Variants in RBFOX1 observed in about 807,000 individuals in gnomAD.
RBFOX1 encodes RNA binding fox-1 homolog 1.
In RBFOX1, 8 loss-of-function variants were observed where a neutral mutation model predicts 57.7. That is an observed-to-expected ratio of 0.14 (90% CI 0.08 to 0.25). The LOEUF (loss-of-function observed/expected upper bound fraction) is 0.25, where lower values mean the gene tolerates loss of function less well. Among genes scored for constraint, RBFOX1 ranks in the 10% least tolerant of loss-of-function variants. The pLI, the probability that RBFOX1 is intolerant of heterozygous loss-of-function variation, is 1.00. For synonymous variants in RBFOX1, 326 were observed against 222.4 expected (o/e 1.47, Z -4.15); for missense variants, 611 against 548.5 (o/e 1.11, Z -1.14).
chr16:5,312,783 T>G (rs1197109759), intron 1 of RBFOX1, among the ~76,000 whole-genome samples: 1 of 152,126 alleles, frequency 6.6e-6, no homozygotes, highest in East Asian at 1.9e-4. Flanking sequence ...TGCAGATGCA[T>G]GAGGGACCTG....
chr16:6,785,919 A>T (rs963943001), intron 3 of RBFOX1, among the ~76,000 whole-genome samples: 2 of 152,184 alleles, frequency 1.3e-5, no homozygotes, highest in South Asian at 2.1e-4. Context: ...TGGCACTGTG[A>T]CTGAGGAACC....
chr16:7,080,606 TC>T (rs1239770960), intron 4 of RBFOX1, among the ~76,000 whole-genome samples: 1 of 152,194 alleles, frequency 6.6e-6, no homozygotes, highest in Non-Finnish European at 1.5e-5. Context: ...TATCCTTTTT[TC>T]ATGGTCCATG....
Position 5,437,512 on chromosome 16 carries a change from C to G in RBFOX1, c.220-29704C>G, listed in dbSNP as rs575325093. 3.9e-5 allele frequency among the ~76,000 whole-genome samples: 6 copies of G among 152,246 alleles called. No individual in the cohort carries two copies. The East Asian group carries it at 1.2e-3, about 29-fold the overall frequency. ...TGCAAACTACCTAAAGTGAAAGCAA[C>G]CTGCATATCCAACCATAGATGAATC... is the stretch of plus-strand genomic sequence containing the variant. On this transcript the variant is annotated intron_variant, in intron 1 of 2. Coordinates refer to the RBFOX1 transcript ENST00000585867.
chr16:6,399,144 C>T (rs1489075648), intron 2 of RBFOX1, among the ~76,000 whole-genome samples: 1 of 152,208 alleles, frequency 6.6e-6, no homozygotes, highest in Non-Finnish European at 1.5e-5. Context: ...CTCTTTTAAC[C>T]ATGGCTGGAG....
intron 2 of RBFOX1, among the ~76,000 whole-genome samples, chr16:5,475,026 A>C (rs769170677): frequency 1.3e-5 from 2 of 152,180 alleles, no homozygotes; most frequent in Non-Finnish European, 2.9e-5. Flanking sequence ...AGGCCTGGGC[A>C]TGCTACCCTT....
At chr16:5,929,210 C>T (rs2058997705) in intron 4 of RBFOX1, among the ~76,000 whole-genome samples, 1 of 152,042 alleles carries the variant, frequency 6.6e-6, no homozygotes, top group African/African-American at 2.4e-5. Context: ...CTCACCCCTC[C>T]CCCAGCACCT....
intron 3 of RBFOX1, among the ~76,000 whole-genome samples, chr16:6,780,727 C>T (rs1281457192): frequency 6.6e-6 from 1 of 150,824 alleles, no homozygotes; most frequent in Non-Finnish European, 1.5e-5. Context: ...TTTTGATTTG[C>T]ATTTCTCTAA....
chr16:7,031,830 G>A (rs1400520708), intron 3 of RBFOX1, among the ~76,000 whole-genome samples: 1 of 152,128 alleles, frequency 6.6e-6, no homozygotes, highest in Middle Eastern at 3.2e-3. Flanking sequence ...GTAAGCCAAC[G>A]TGGTCCTTGC....
intron 2 of RBFOX1, among the ~76,000 whole-genome samples, chr16:6,487,121 G>T (rs1279576261): frequency 6.6e-6 from 1 of 150,534 alleles, no homozygotes; most frequent in Non-Finnish European, 1.5e-5. Flanking sequence ...AAAGTTGTGG[G>T]GTTTCAGTAA....
upstream of RBFOX1, among the ~76,000 whole-genome samples, chr16:6,017,818 C>T (rs2095005500): frequency 6.6e-6 from 1 of 152,188 alleles, no homozygotes; most frequent in Non-Finnish European, 1.5e-5. Context: ...AATACACGTA[C>T]ATCTAGTACA....
Position 5,771,607 on chromosome 16 carries a change from C to T in RBFOX1, c.319-95696C>T, listed in dbSNP as rs143910419. The stretch of plus-strand genomic sequence containing the variant: ...TATTTTTAGCAGAGATGGGGTTTCA[C>T]CTTGCTGCCCAGGCTGGTCTTGAAC... On this transcript the variant is annotated intron_variant, in intron 3 of 19. Transcript: ENST00000641259. Among the ~76,000 whole-genome samples, 164 of 152,216 alleles carry T rather than the reference C, an allele frequency of 1.1e-3. 1 individual carries two copies. Among genetic ancestry groups the T allele is most frequent in the African/African-American group, 3.8e-3 (158 of 41,536 alleles).
At position 6,000,889 on chromosome 16, in the gene RBFOX1, G is replaced by A. The variant is rs115403752; in HGVS notation, c.351+133554G>A. ...GGTGGATGAATGGGTGGGTGGATAG[G>A]TAGGTAGGTGGGTGGGTGGGCGGGT... On this transcript the variant is annotated intron_variant, in intron 4 of 19. Coordinates refer to the RBFOX1 transcript ENST00000641259. Among the ~76,000 whole-genome samples the A allele has an allele frequency of 6.4e-3, 859 of 133,536 alleles. 17 individuals carry two copies. The highest frequency in any genetic ancestry group is 0.024 in the African/African-American group (819 of 34,606). The allele number at this position is 133,536 out of a possible 152,430, so 87.6% of individuals were successfully genotyped here.
intron 3 of RBFOX1, among the ~76,000 whole-genome samples, chr16:6,695,313 G>A (rs1230511316): frequency 6.6e-6 from 1 of 150,826 alleles, no homozygotes; most frequent in Non-Finnish European, 1.5e-5. Context: ...GTACTCAGGA[G>A]GCTGAGGCAG....
intron 2 of RBFOX1, among the ~76,000 whole-genome samples, chr16:5,538,188 G>C (rs576869360): frequency 1.3e-5 from 2 of 152,202 alleles, no homozygotes; most frequent in Non-Finnish European, 2.9e-5. Context: ...GTAGAGCCAA[G>C]AGGCCAAGAC....
At chr16:5,764,416 G>T (rs976012594) in intron 3 of RBFOX1, among the ~76,000 whole-genome samples, 1 of 152,286 alleles carries the variant, frequency 6.6e-6, no homozygotes, top group South Asian at 2.1e-4. Flanking sequence ...GCAGAACCAT[G>T]AGCCAATTAA....
At chr16:6,541,859 T>C (rs1020408725) in intron 2 of RBFOX1, among the ~76,000 whole-genome samples, 8 of 152,098 alleles carry the variant, frequency 5.3e-5, no homozygotes, top group Non-Finnish European at 7.4e-5. Context: ...CTTGAGCATC[T>C]GAACAGATTA....
At chr16:7,009,660 A>T (rs909334954) in intron 3 of RBFOX1, among the ~76,000 whole-genome samples, 1 of 152,188 alleles carries the variant, frequency 6.6e-6, no homozygotes. Flanking sequence ...ACTTGTCACC[A>T]TAAAGAATAT....
intron 14 of RBFOX1, among the ~76,000 whole-genome samples, chr16:7,686,050 GC>G (rs2075994451): frequency 6.6e-6 from 1 of 151,938 alleles, no homozygotes; most frequent in Admixed American, 6.6e-5. Flanking sequence ...GATGACCATT[GC>G]TTCTTTGCGT....
In RBFOX1 at chr16:6,473,462, T is replaced by C. The variant is rs150490301; in HGVS notation, c.-64+156405T>C. ...CACAAGGCTATTTCCCACCCAACAG[T>C]TGCAAAAATCTGTCATCTCCTTGTT... On this transcript the variant is annotated intron_variant, in intron 2 of 15. Transcript: ENST00000550418. Among the ~76,000 whole-genome samples the C allele has an allele frequency of 1.2e-3, 187 of 152,228 alleles. 1 individual carries two copies. The highest frequency in any genetic ancestry group is 4.3e-3 in the African/African-American group (177 of 41,548).
Sources: gnomAD v4.1 joint callset for allele counts (sites outside exome capture counted in the v4.1 genomes callset) on GRCh38, gnomAD v4.1.1 for gene constraint, MANE v1.5 for transcripts, NCBI Gene and HGNC (gene_info 2026-07-23, HGNC 2026-07-21) for gene names.